Variants in GARNL3 observed in about 807,000 individuals in gnomAD.
GARNL3 encodes GTPase activating Rap/RanGAP domain like 3.
In GARNL3, 63 loss-of-function variants were observed where a neutral mutation model predicts 125.0. That is an observed-to-expected ratio of 0.50 (90% CI 0.41 to 0.62). GARNL3 has a LOEUF of 0.62. Ranked by LOEUF, GARNL3 falls within the 20% of genes least tolerant of loss-of-function variation. The pLI is 0.00. For synonymous variants in GARNL3, 439 were observed against 457.5 expected, an observed-to-expected ratio of 0.96 and a Z score of 0.52; for missense variants, 994 against 1,244.0, an observed-to-expected ratio of 0.80 and a Z score of 3.02.
intron 1 of GARNL3, among the ~76,000 whole-genome samples, chr9:127,235,070 T>A (rs924750884): frequency 6.6e-6 from 1 of 152,156 alleles, no homozygotes; most frequent in African/African-American, 2.4e-5. Flanking sequence ...ACCTAGCATA[T>A]ACATATGTGT....
chr9:127,312,731 T>G (rs960170505), intron 3 of GARNL3, among the ~76,000 whole-genome samples: 1 of 152,160 alleles, frequency 6.6e-6, no homozygotes, highest in Non-Finnish European at 1.5e-5. Context: ...TGTAAGAAGT[T>G]CCTTTATTTG....
At chr9:127,284,971 A>T (rs533817313) in intron 1 of GARNL3, among the ~76,000 whole-genome samples, 2 of 152,206 alleles carry the variant, frequency 1.3e-5, no homozygotes, top group South Asian at 2.1e-4. Flanking sequence ...TCAGCCTCCC[A>T]AGTAGCTGGG....
chr9:127,350,606 C>T (rs921634448), intron 17 of GARNL3, among the ~76,000 whole-genome samples: 1 of 151,688 alleles, frequency 6.6e-6, no homozygotes, highest in African/African-American at 2.4e-5. Flanking sequence ...AACCCTGTCT[C>T]TAACTAAAAA....
intron 17 of GARNL3, 152 bp downstream of exon 17, chr9:127,349,187 G>A: frequency 1.5e-6 from 1 of 659,736 alleles, no homozygotes; most frequent in South Asian, 1.7e-5. Flanking sequence ...TTAAACCCTT[G>A]TTTCCAGGGC....
intron 21 of GARNL3, among the ~76,000 whole-genome samples, chr9:127,359,261 C>T (rs890389126): frequency 1.3e-5 from 2 of 152,118 alleles, no homozygotes; most frequent in African/African-American, 2.4e-5. Flanking sequence ...CGGCCAAGGC[C>T]GGCGGATCAC....
chr9:127,229,805 A>G (rs2812289), intron 1 of GARNL3, among the ~76,000 whole-genome samples: 1 of 152,142 alleles, frequency 6.6e-6, no homozygotes, highest in Non-Finnish European at 1.5e-5. Flanking sequence ...AGTTTAAATG[A>G]CTCATGTTTA....
chr9:127,340,612 C>T (rs967378417), intron 13 of GARNL3, among the ~76,000 whole-genome samples: 3 of 150,562 alleles, frequency 2.0e-5, no homozygotes, highest in Admixed American at 2.0e-4. Flanking sequence ...AAGTCTGTCA[C>T]TGTTGCCGTG....
chr9:127,322,937 C>A (rs1225191143), intron 6 of GARNL3, among the ~76,000 whole-genome samples: 1 of 152,210 alleles, frequency 6.6e-6, no homozygotes, highest in Non-Finnish European at 1.5e-5. Flanking sequence ...TTTCTTCCCA[C>A]TCCTACCCAT....
At chr9:127,318,710 C>T (rs2131502701) in intron 5 of GARNL3, among the ~76,000 whole-genome samples, 1 of 152,234 alleles carries the variant, frequency 6.6e-6, no homozygotes, top group South Asian at 2.1e-4. Context: ...GTGGCAGCCT[C>T]CCCTAGGGAA....
chr9:127,297,495 AT>A (rs1241953986), intron 2 of GARNL3, among the ~76,000 whole-genome samples: 3 of 151,980 alleles, frequency 2.0e-5, no homozygotes, highest in African/African-American at 7.3e-5. Context: ...TTAATCCTAC[AT>A]TTTCCTATAG....
At chr9:127,259,695 G>A (rs1257115511), upstream of GARNL3, among the ~76,000 whole-genome samples, 1 of 151,988 alleles carries the variant, frequency 6.6e-6, no homozygotes, top group Non-Finnish European at 1.5e-5. Flanking sequence ...AATCATTTAT[G>A]CCAACTTTCC....
chr9:127,330,656 C>T (rs1829173208), intron 7 of GARNL3, among the ~76,000 whole-genome samples: 13 of 152,088 alleles, frequency 8.5e-5, no homozygotes. Context: ...GGAGAATAAA[C>T]AAGGTTCTCC....
At position 127,289,045 on chromosome 9, in the gene GARNL3, C is replaced by G. The variant is rs546577963; in HGVS notation, c.145-2123C>G. ...CTTGAGGCAGCCTATACCAGTAACA[C>G]TCTACCTGAAATCTACTTGCTTTTC... On this transcript the variant is annotated intron_variant, in intron 1 of 27. Coordinates refer to ENST00000373387, the MANE Select transcript of GARNL3 (RefSeq NM_032293.5). 5.9e-5 allele frequency among the ~76,000 whole-genome samples: 9 copies of G among 152,344 alleles called. No homozygotes were observed. The South Asian group carries it at 1.9e-3, about 32-fold the overall frequency.
intron 1 of GARNL3, chr9:127,224,831 G>C (rs2062868656): frequency 6.8e-6 from 1 of 147,958 alleles, no homozygotes; most frequent in Non-Finnish European, 1.5e-5. Flanking sequence ...TTGGGCCTGT[G>C]GGCCTCGCAG....
rs369107303 is a variant in GARNL3 at position 127,329,891 on chromosome 9, A to C, written c.595-2383A>C. Among the ~76,000 whole-genome samples the C allele has an allele frequency of 2.3e-4, 35 of 152,208 alleles. No individual in the cohort carries two copies. In the South Asian group the frequency reaches 7.3e-3, roughly 32 times the overall value. On this transcript the variant is annotated intron_variant, in intron 7 of 27. Coordinates refer to ENST00000373387, the MANE Select transcript of GARNL3 (RefSeq NM_032293.5). Reference sequence around the variant, plus strand: ...TCCTTTCTGGTTTTAGCAGGCTGTCAGTTTATGGCTCAGAGTTATGGTCAT... The same window carrying C: ...TCCTTTCTGGTTTTAGCAGGCTGTCCGTTTATGGCTCAGAGTTATGGTCAT...
At chr9:127,303,234 G>A (rs746816063) in intron 2 of GARNL3, among the ~76,000 whole-genome samples, 31 of 152,200 alleles carry the variant, frequency 2.0e-4, no homozygotes, top group Middle Eastern at 3.4e-3. Context: ...CTATACTACT[G>A]TCCCATTTAT....
intron 1 of GARNL3, among the ~76,000 whole-genome samples, chr9:127,287,653 G>A (rs1388626294): frequency 6.6e-6 from 1 of 152,218 alleles, no homozygotes; most frequent in Non-Finnish European, 1.5e-5. Context: ...CTGGCCCTGA[G>A]TGTGACCAGT....
At chr9:127,311,371 A>G (rs1389225011) in intron 2 of GARNL3, among the ~76,000 whole-genome samples, 1 of 152,152 alleles carries the variant, frequency 6.6e-6, no homozygotes, top group East Asian at 1.9e-4. Context: ...TTCAGCCCAG[A>G]AAGGAGAGGT....
intron 21 of GARNL3, among the ~76,000 whole-genome samples, chr9:127,358,223 G>A (rs1830791691): frequency 6.6e-6 from 1 of 152,222 alleles, no homozygotes; most frequent in African/African-American, 2.4e-5. Context: ...ACTGGAGAGC[G>A]TTCAGCACTG....
Sources: gnomAD v4.1 joint callset for allele counts (sites outside exome capture counted in the v4.1 genomes callset) on GRCh38, gnomAD v4.1.1 for gene constraint, MANE v1.5 for transcripts, NCBI Gene and HGNC (gene_info 2026-07-23, HGNC 2026-07-21) for gene names.